The following GMDS variants were observed in gnomAD, a reference collection of about 807,000 sequenced individuals.
GMDS encodes GDP-mannose 4,6 dehydratase.
Under a neutral mutation model 49.9 loss-of-function variants are expected in GMDS, and 20 were observed. The ratio of observed to expected loss-of-function variants is 0.40; its 90% CI spans 0.28 to 0.58. GMDS has a LOEUF of 0.58. Ranked by LOEUF, GMDS falls within the 20% of genes least tolerant of loss-of-function variation. The pLI is 0.42. For synonymous variants in GMDS, 177 were observed against 178.6 expected, an observed-to-expected ratio of 0.99 and a Z score of 0.07; for missense variants, 362 against 481.4, an observed-to-expected ratio of 0.75 and a Z score of 2.32.
chr6:1,781,187 C>T (rs1483106070), intron 7 of GMDS, among the ~76,000 whole-genome samples: 3 of 152,038 alleles, frequency 2.0e-5, no homozygotes, highest in Non-Finnish European at 4.4e-5. Context: ...TTCAGGGAAC[C>T]AAGGCAGGCC....
chr6:2,152,839 ATATAAC>A (rs1776907542), intron 1 of GMDS, among the ~76,000 whole-genome samples: 1 of 152,216 alleles, frequency 6.6e-6, no homozygotes, highest in African/African-American at 2.4e-5. Flanking sequence ...TATTATGAAA[ATATAAC>A]TATATCAGAG....
At chr6:1,781,201 C>T (rs918988527) in intron 7 of GMDS, among the ~76,000 whole-genome samples, 11 of 152,290 alleles carry the variant, frequency 7.2e-5, no homozygotes, top group East Asian at 5.8e-4. Context: ...GCAGGCCTCA[C>T]GAAGGGGTCT....
chr6:1,633,998 G>A (rs1034239470), intron 9 of GMDS, among the ~76,000 whole-genome samples: 5 of 152,218 alleles, frequency 3.3e-5, no homozygotes, highest in Non-Finnish European at 7.3e-5. Flanking sequence ...GTATGGAACT[G>A]ACTATAAACT....
chr6:2,113,768 C>T (rs1208831734), intron 4 of GMDS, among the ~76,000 whole-genome samples: 14 of 152,096 alleles, frequency 9.2e-5, no homozygotes, highest in Non-Finnish European at 1.5e-4. Context: ...GTATCTGACA[C>T]AGCTTTTCGT....
chr6:2,098,504 A>AC (rs1562052341), intron 4 of GMDS, among the ~76,000 whole-genome samples: 1 of 152,254 alleles, frequency 6.6e-6, no homozygotes, highest in African/African-American at 2.4e-5. Context: ...CTTTATTTAG[A>AC]AACAAAATCT....
intron 7 of GMDS, among the ~76,000 whole-genome samples, chr6:1,808,188 G>C (rs1770260008): frequency 6.6e-6 from 1 of 152,214 alleles, no homozygotes; most frequent in Non-Finnish European, 1.5e-5. Flanking sequence ...GAACATGCTT[G>C]AATGAATGAA....
In GMDS at chr6:1,869,582, T is replaced by C. The variant is rs115996215; in HGVS notation, c.771+60521A>G. On this transcript the variant is annotated intron_variant, in intron 7 of 10. Coordinates refer to ENST00000380815, the MANE Select transcript of GMDS (RefSeq NM_001500.4). ...GTTGATCTGCATAAGAACCACAGCC[T>C]TCAGATATTCAGGCAGTTTCTGACA... Among the ~76,000 whole-genome samples the C allele has an allele frequency of 4.9e-3, 746 of 152,316 alleles. 9 individuals are homozygous for C. Among genetic ancestry groups the C allele is most frequent in the African/African-American group, 0.017 (703 of 41,576 alleles).
At chr6:1,835,868 A>C (rs1212252710) in intron 7 of GMDS, among the ~76,000 whole-genome samples, 3 of 149,956 alleles carry the variant, frequency 2.0e-5, no homozygotes. Flanking sequence ...ATTTTATTTT[A>C]TTTTTTATTT....
rs191444326 is a variant in GMDS, at chr6:1,635,856, C to T, written c.988-11316G>A. 2.1e-4 allele frequency among the ~76,000 whole-genome samples: 32 copies of T among 152,340 alleles called. No individual in the cohort carries two copies. The highest frequency in any genetic ancestry group is 6.5e-4 in the African/African-American group (27 of 41,576). On this transcript the variant is annotated intron_variant, in intron 9 of 10. Coordinates refer to ENST00000380815, the MANE Select transcript of GMDS (RefSeq NM_001500.4). The surrounding 1 kb of genome is among the most constrained non-coding windows in gnomAD (Gnocchi z 4.7). ...ACTCCAGGCAAGCAGGGCCCAGCCTCGGCACCTCCAGCACTGCGTCTGGGA... is the reference window on the plus strand; with the variant it reads ...ACTCCAGGCAAGCAGGGCCCAGCCTTGGCACCTCCAGCACTGCGTCTGGGA...
At chr6:2,123,789 G>A (rs1454316572) in intron 2 of GMDS, among the ~76,000 whole-genome samples, 2 of 152,180 alleles carry the variant, frequency 1.3e-5, no homozygotes, top group Non-Finnish European at 2.9e-5. Context: ...TACAGAAGGT[G>A]CTAAACATAT....
chr6:2,140,690 C>T (rs1167035435), intron 1 of GMDS, among the ~76,000 whole-genome samples: 3 of 152,196 alleles, frequency 2.0e-5, no homozygotes, highest in Non-Finnish European at 4.4e-5. Context: ...GAATTCCTAA[C>T]CCAAGTCACA....
At chr6:1,931,638 T>C (rs1170287924) in intron 6 of GMDS, among the ~76,000 whole-genome samples, 1 of 152,250 alleles carries the variant, frequency 6.6e-6, no homozygotes, top group Non-Finnish European at 1.5e-5. Context: ...AAAATTTTTC[T>C]ATTGACTTGT....
In GMDS at chr6:1,715,695, C is replaced by T. The variant is rs1581499256; in HGVS notation, c.987+10721G>A. Among the ~76,000 whole-genome samples the T allele has an allele frequency of 3.9e-5, 6 of 152,274 alleles. No homozygotes were observed. The South Asian group carries it at 1.2e-3, about 32-fold the overall frequency. On this transcript the variant is annotated intron_variant, in intron 9 of 10. Transcript: ENST00000380815. ...AACAGAAGTAAGGAGAGGTTAGGAGCTTCTAGAAGACTTCAAAAGTTTGAG... is the reference window on the plus strand; with the variant it reads ...AACAGAAGTAAGGAGAGGTTAGGAGTTTCTAGAAGACTTCAAAAGTTTGAG...
chr6:1,997,459 G>C (rs1326096003), intron 4 of GMDS, among the ~76,000 whole-genome samples: 2 of 142,386 alleles, frequency 1.4e-5, no homozygotes, highest in Non-Finnish European at 3.0e-5. Context: ...AGTGAGCTGA[G>C]ATCGCGCCAC....
intron 7 of GMDS, among the ~76,000 whole-genome samples, chr6:1,867,355 T>C (rs1377731709): frequency 6.6e-6 from 1 of 152,256 alleles, no homozygotes; most frequent in Non-Finnish European, 1.5e-5. Context: ...ATTTTACTTA[T>C]ACTACTACAG....
At chr6:2,126,467 A>G (rs1775447624) in intron 1 of GMDS, among the ~76,000 whole-genome samples, 1 of 152,140 alleles carries the variant, frequency 6.6e-6, no homozygotes, top group Non-Finnish European at 1.5e-5. Context: ...TTATTACTTG[A>G]CCAAAAGCTG....
At chr6:1,724,409 G>T (rs1420816071) in intron 9 of GMDS, among the ~76,000 whole-genome samples, 1 of 152,136 alleles carries the variant, frequency 6.6e-6, no homozygotes, top group East Asian at 1.9e-4. Context: ...TAGTCTGAGG[G>T]TCCTTTTCCT....
chr6:1,992,075 T>C (rs1214012852), intron 4 of GMDS, among the ~76,000 whole-genome samples: 2 of 152,240 alleles, frequency 1.3e-5, no homozygotes, highest in African/African-American at 2.4e-5. Context: ...GCCTCCAGAA[T>C]GGTGAGACAA....
chr6:2,161,228 C>G (rs1777383872), intron 1 of GMDS, among the ~76,000 whole-genome samples: 1 of 152,112 alleles, frequency 6.6e-6, no homozygotes, highest in African/African-American at 2.4e-5. Flanking sequence ...CCAGGATGGT[C>G]TCGATCTCCT....
Sources: allele counts gnomAD v4.1 joint callset (sites outside exome capture counted in the v4.1 genomes callset), GRCh38; gene constraint gnomAD v4.1.1; non-coding constraint Gnocchi (gnomAD v3.1); transcripts MANE v1.5; gene names NCBI Gene and HGNC (gene_info 2026-07-23, HGNC 2026-07-21).